The following MOCOS variants were observed in gnomAD, a reference collection of about 807,000 sequenced individuals.
MOCOS encodes the protein human molybdenum cofactor sulfurase.
Under a neutral mutation model 83.6 loss-of-function variants are expected in MOCOS, and 86 were observed. The observed-to-expected ratio is 1.03, with a 90% CI of 0.86 to 1.23. MOCOS has a LOEUF of 1.23. Ranked by LOEUF, MOCOS falls within the 50% of genes most tolerant of loss-of-function variation. The pLI is 0.00. For missense variants in MOCOS, 1,120 were observed against 1,126.9 expected (o/e 0.99, Z 0.09); for synonymous variants, 445 against 434.7 (o/e 1.02, Z -0.29).
chr18:36,191,019 T>TGAAAAA (rs2091362844), intron 1 of MOCOS, among the ~76,000 whole-genome samples: 2 of 2,312 alleles, frequency 8.7e-4, no homozygotes, highest in South Asian at 0.012. Flanking sequence ...ACCCTATCTC[T>TGAAAAA]CAAAAAAAAA....
At chr18:36,194,062 C>A (rs1340083794) in intron 1 of MOCOS, among the ~76,000 whole-genome samples, 3 of 152,142 alleles carry the variant, frequency 2.0e-5, no homozygotes, top group African/African-American at 7.2e-5. Flanking sequence ...TGTATGGTTC[C>A]TTTTACATGA....
At chr18:36,250,530 C>T (rs924255475) in intron 10 of MOCOS, among the ~76,000 whole-genome samples, 4 of 152,130 alleles carry the variant, frequency 2.6e-5, no homozygotes, top group Admixed American at 6.5e-5. Context: ...GCCCTGGTCC[C>T]AGGATGCCTT....
chr18:36,206,601 G>T (rs908351545), intron 6 of MOCOS, among the ~76,000 whole-genome samples: 2 of 152,080 alleles, frequency 1.3e-5, no homozygotes, highest in African/African-American at 4.8e-5. Flanking sequence ...TGTTACATGG[G>T]TACCTGAAAG....
At position 36,195,420 on chromosome 18, in the gene MOCOS, A is replaced by G. The variant is rs2091383537; in HGVS notation, c.232+74A>G. On this transcript the variant is annotated intron_variant, in intron 2 of 14. Coordinates refer to ENST00000261326, the MANE Select transcript of MOCOS (RefSeq NM_017947.4). Reference sequence around the variant, plus strand: ...TATACCTGTGCATGTTAAACGCTGGATTAATAGGCCAGGAATATTCTGACC... The same window carrying G: ...TATACCTGTGCATGTTAAACGCTGGGTTAATAGGCCAGGAATATTCTGACC... 1.8e-5 allele frequency: 23 copies of G among 1,310,148 alleles called. 1 individual carries two copies. In the East Asian group the frequency reaches 4.9e-4, roughly 28 times the overall value. 81.2% of individuals were successfully genotyped at this position (1,310,148 alleles called of 1,614,324 possible). A position where few individuals can be genotyped will look rare whatever the true frequency, so the allele number is the denominator to read the frequency against.
chr18:36,253,945 G>T (rs1317903498), intron 11 of MOCOS, among the ~76,000 whole-genome samples: 1 of 152,168 alleles, frequency 6.6e-6, no homozygotes, highest in East Asian at 1.9e-4. Flanking sequence ...ACTTGGCGAG[G>T]TGGCTGCATC....
At chr18:36,268,382 A>T in intron 14 of MOCOS, 151 bp from the exon 15 acceptor site, 2 of 938,816 alleles carry the variant, frequency 2.1e-6, no homozygotes, top group Non-Finnish European at 3.3e-6. Flanking sequence ...GTTCCAGTGC[A>T]TTCTACTGTG....
chr18:36,230,616 C>G (rs1006030260), intron 9 of MOCOS, among the ~76,000 whole-genome samples: 5 of 152,148 alleles, frequency 3.3e-5, no homozygotes, highest in African/African-American at 1.2e-4. Flanking sequence ...CTGTGCCAGG[C>G]CCATCAGAGC....
chr18:36,244,290 T>G (rs890077992), intron 9 of MOCOS, among the ~76,000 whole-genome samples: 5 of 152,158 alleles, frequency 3.3e-5, no homozygotes, highest in African/African-American at 9.7e-5. Flanking sequence ...GCAGTACTTT[T>G]GCTGTATCCC....
At chr18:36,244,553 C>T (rs935977353) in intron 9 of MOCOS, among the ~76,000 whole-genome samples, 2 of 152,040 alleles carry the variant, frequency 1.3e-5, no homozygotes, top group Non-Finnish European at 2.9e-5. Context: ...TATGGTTCAT[C>T]TTGGAGAATA....
chr18:36,198,767 G>T lies in MOCOS; in HGVS notation c.299+11G>T. On this transcript the variant is annotated intron_variant, in intron 3 of 14. Transcript: ENST00000261326. ...GCAGGTGCGCTACAGGTAAGCATCA[G>T]GGACACCTGCCTGACTGGGCATACC... is the stretch of plus-strand genomic sequence containing the variant. The T allele has an allele frequency of 6.2e-7, 1 of 1,613,790 alleles. No individual in the cohort carries two copies. The highest frequency in any genetic ancestry group is 2.2e-5 in the East Asian group (1 of 44,876).
At chr18:36,193,691 C>T (rs1056038235) in intron 1 of MOCOS, among the ~76,000 whole-genome samples, 11 of 152,110 alleles carry the variant, frequency 7.2e-5, no homozygotes, top group African/African-American at 2.7e-4. Flanking sequence ...ACAATAATTT[C>T]TTATGACACC....
chr18:36,241,058 A>G (rs1443039137), intron 9 of MOCOS, among the ~76,000 whole-genome samples: 1 of 152,084 alleles, frequency 6.6e-6, no homozygotes. Context: ...AGATGAACCC[A>G]GTACCTCAGA....
rs75785005 is a variant in MOCOS at position 36,215,114 on chromosome 18, C to T, written c.1336-402C>T. 6.1e-3 allele frequency among the ~76,000 whole-genome samples: 924 copies of T among 152,332 alleles called. 8 individuals carry two copies. Among genetic ancestry groups the T allele is most frequent in the African/African-American group, 0.021 (877 of 41,574 alleles). ...CCTCCCCTCAGTAATGAGAGGCTAACGAGAGTGACCAGTGATGTTTCTCCC... is the reference window on the plus strand; with the variant it reads ...CCTCCCCTCAGTAATGAGAGGCTAATGAGAGTGACCAGTGATGTTTCTCCC... On this transcript the variant is annotated intron_variant, in intron 7 of 14. Coordinates refer to ENST00000261326, the MANE Select transcript of MOCOS (RefSeq NM_017947.4).
chr18:36,246,446 A>G (rs1007348157), intron 9 of MOCOS, among the ~76,000 whole-genome samples: 8 of 152,170 alleles, frequency 5.3e-5, no homozygotes, highest in African/African-American at 1.9e-4. Flanking sequence ...TGGTGCTAAG[A>G]ACTGTCTGCA....
intron 6 of MOCOS, among the ~76,000 whole-genome samples, 193 bp downstream of exon 6, chr18:36,205,469 G>C (rs150731592): frequency 6.6e-6 from 1 of 152,358 alleles, no homozygotes; most frequent in African/African-American, 2.4e-5. Context: ...CAAATGGGAA[G>C]AAAGAGGCCA....
intron 9 of MOCOS, among the ~76,000 whole-genome samples, chr18:36,229,987 G>C (rs1261970942): frequency 6.6e-6 from 1 of 151,980 alleles, no homozygotes; most frequent in African/African-American, 2.4e-5. Context: ...TGTTTCATTA[G>C]GGTCAGTTGC....
intron 14 of MOCOS, 81 bp from the exon 15 acceptor site, chr18:36,268,452 T>C (rs1406999604): frequency 6.3e-7 from 1 of 1,580,198 alleles, no homozygotes; most frequent in African/African-American, 1.4e-5. Context: ...TTGATTTTAG[T>C]TAAACATTAA....
intron 9 of MOCOS, among the ~76,000 whole-genome samples, chr18:36,244,908 C>T (rs1489137855): frequency 6.6e-6 from 1 of 152,042 alleles, no homozygotes; most frequent in Non-Finnish European, 1.5e-5. Context: ...ACTGTTGTTG[C>T]TTTAAAGTTT....
rs756062840 is a variant in MOCOS at position 36,266,838 on chromosome 18, G to A, written c.2499G>A (p.Glu833=). The A allele has an allele frequency of 1.9e-6, 3 of 1,613,984 alleles. No homozygotes were observed. In the East Asian group the frequency reaches 6.7e-5, roughly 36 times the overall value. The change falls in exon 14 of 15, where the codon GAG becomes GAA. Residue 833 remains glutamate (E), a synonymous_variant. Coordinates refer to ENST00000261326, the MANE Select transcript of MOCOS (RefSeq NM_017947.4). ...AGCATGTTTTCCAAAAACTTTCTGA[G>A]AGTCGTGAAACAAAGGTAAGCGTGA... ...RNQHVFQKLS[E]SRETKVNFGM... is the part of the protein sequence containing the mutation.
Sources: allele counts gnomAD v4.1 joint callset (sites outside exome capture counted in the v4.1 genomes callset), GRCh38; gene constraint gnomAD v4.1.1; transcripts MANE v1.5; gene names NCBI Gene and HGNC (gene_info 2026-07-23, HGNC 2026-07-21).